RPS6KA2: variants seen among roughly 807,000 people sequenced by gnomAD.
RPS6KA2 encodes the protein ribosomal protein S6 kinase alpha-2.
Under a neutral mutation model 91.8 loss-of-function variants are expected in RPS6KA2, and 42 were observed. That is an observed-to-expected ratio of 0.46 (90% CI 0.36 to 0.59). RPS6KA2 has a LOEUF of 0.59. Among genes scored for constraint, RPS6KA2 ranks in the 20% least tolerant of loss-of-function variants. The pLI, the probability that RPS6KA2 is intolerant of heterozygous loss-of-function variation, is 0.00. For synonymous variants in RPS6KA2, 414 were observed against 393.6 expected (o/e 1.05, Z -0.61); for missense variants, 798 against 978.5 (o/e 0.82, Z 2.46).
chr6:166,803,016 C>A (rs1779409450), intron 2 of RPS6KA2, among the ~76,000 whole-genome samples: 1 of 151,344 alleles, frequency 6.6e-6, no homozygotes, highest in Non-Finnish European at 1.5e-5. Flanking sequence ...ACATTGTATT[C>A]TTTTAACCAA....
At chr6:166,480,522 T>TATATATATAATATATA (rs1781175775) in intron 10 of RPS6KA2, among the ~76,000 whole-genome samples, 1 of 121,336 alleles carries the variant, frequency 8.2e-6, no homozygotes, top group African/African-American at 3.5e-5. Context: ...TATAATATAT[T>TATATATATAATATATA]TTTTTTTTTT....
chr6:166,682,164 A>C (rs1788840916), intron 2 of RPS6KA2, among the ~76,000 whole-genome samples: 3 of 152,230 alleles, frequency 2.0e-5, no homozygotes, highest in Non-Finnish European at 4.4e-5. Context: ...TCCGCTTGAA[A>C]ATTACAGGCA....
chr6:166,468,856 T>TCCACCTCAAAAAA (rs567161437), intron 11 of RPS6KA2, among the ~76,000 whole-genome samples: 1 of 112,184 alleles, frequency 8.9e-6, no homozygotes, highest in Admixed American at 8.9e-5. Context: ...AGAGCGAGAC[T>TCCACCTCAAAAAA]AAAAAAAAAA....
rs143111544 is a variant in RPS6KA2, at chr6:166,445,896, T to C, written c.1332+2828A>G. Among the ~76,000 whole-genome samples the C allele has an allele frequency of 1.5e-3, 229 of 152,314 alleles. No individual in the cohort carries two copies. Among genetic ancestry groups the C allele is most frequent in the African/African-American group, 5.4e-3 (224 of 41,570 alleles). On this transcript the variant is annotated intron_variant, in intron 14 of 20. Coordinates refer to ENST00000265678, the MANE Select transcript of RPS6KA2 (RefSeq NM_021135.6). This position sits in a 1 kb window ranked among gnomAD's most constrained non-coding sequence, Gnocchi z 4.5. ...GCTGAGCTGAGATCCAACTCACACA[T>C]CAGATAATCAGCTGCCACATGCTTA...
At chr6:166,826,984 A>C (rs1300136345) in intron 2 of RPS6KA2, among the ~76,000 whole-genome samples, 1 of 152,208 alleles carries the variant, frequency 6.6e-6, no homozygotes, top group Non-Finnish European at 1.5e-5. Flanking sequence ...TTAACATAGA[A>C]GCAGAGAGTA....
intron 2 of RPS6KA2, among the ~76,000 whole-genome samples, chr6:166,707,243 G>A (rs188942706): frequency 6.6e-6 from 1 of 152,382 alleles, no homozygotes; most frequent in East Asian, 1.9e-4. Flanking sequence ...TGTGCAGATG[G>A]ACGGCAGCCC....
In RPS6KA2 at chr6:166,449,245, C is replaced by T. The variant is rs570742464; in HGVS notation, c.1207-396G>A. Among the ~76,000 whole-genome samples the T allele has an allele frequency of 3.0e-4, 45 of 152,272 alleles. 1 individual carries two copies. Among genetic ancestry groups the T allele is most frequent in the Middle Eastern group, 3.4e-3 (1 of 294 alleles). On this transcript the variant is annotated intron_variant, in intron 13 of 20. Transcript: ENST00000265678. ...GAAACATCTCATCGGAAATCTGACT[C>T]CATGGTGTCCAAGTCACAGCCTGCT...
intron 2 of RPS6KA2, among the ~76,000 whole-genome samples, chr6:166,840,730 G>A (rs1253012789): frequency 6.6e-6 from 1 of 152,174 alleles, no homozygotes; most frequent in Admixed American, 6.5e-5. Flanking sequence ...CCCAGGCTTA[G>A]GCGGGCAGAT....
chr6:166,685,221 A>G (rs56263735), intron 2 of RPS6KA2, among the ~76,000 whole-genome samples: 16,415 of 99,660 alleles, frequency 0.16, 642 homozygotes, highest in African/African-American at 0.26. Context: ...TGGAGTGTGG[A>G]GTGTGTATGC....
intron 11 of RPS6KA2, among the ~76,000 whole-genome samples, chr6:166,468,856 T>TCTGCCTCAAAAAAA (rs567161437): frequency 8.9e-6 from 1 of 112,184 alleles, no homozygotes; most frequent in African/African-American, 3.9e-5. Flanking sequence ...AGAGCGAGAC[T>TCTGCCTCAAAAAAA]AAAAAAAAAA....
intron 3 of RPS6KA2, among the ~76,000 whole-genome samples, chr6:166,517,278 T>C (rs1393293776): frequency 6.6e-6 from 1 of 152,060 alleles, no homozygotes; most frequent in East Asian, 1.9e-4. Context: ...GTGGATCACT[T>C]GAGCCGAAGA....
intron 1 of RPS6KA2, among the ~76,000 whole-genome samples, chr6:166,602,901 G>T (rs1785801751): frequency 6.6e-6 from 1 of 152,124 alleles, no homozygotes; most frequent in African/African-American, 2.4e-5. Flanking sequence ...ATTTGAAAAG[G>T]GCTCAAGTCA....
At chr6:166,427,329 A>G (rs1275042988) in intron 16 of RPS6KA2, among the ~76,000 whole-genome samples, 3 of 152,206 alleles carry the variant, frequency 2.0e-5, no homozygotes, top group African/African-American at 7.2e-5. Context: ...TCGATGACAA[A>G]CCCACAGCCA....
In RPS6KA2 at chr6:166,665,941, C is replaced by T. The variant is rs972197626; in HGVS notation, c.124-127157G>A. On this transcript the variant is annotated intron_variant, in intron 2 of 21. Transcript: ENST00000503859. The surrounding 1 kb of genome is among the most constrained non-coding windows in gnomAD (Gnocchi z 4.5). ...ATCCAGTTTCTGAGAGGCTCAGGAG[C>T]CTTCTTTGACATCATGATGATGAAC... 1.3e-5 allele frequency among the ~76,000 whole-genome samples: 2 copies of T among 152,124 alleles called. No homozygotes were observed. The highest frequency in any genetic ancestry group is 2.4e-5 in the African/African-American group (1 of 41,410).
At chr6:166,643,019 C>A (rs140676618) in intron 2 of RPS6KA2, among the ~76,000 whole-genome samples, 2 of 152,196 alleles carry the variant, frequency 1.3e-5, no homozygotes, top group African/African-American at 4.8e-5. Flanking sequence ...TTACTGTAAA[C>A]ATAGAATGCA....
intron 12 of RPS6KA2, among the ~76,000 whole-genome samples, chr6:166,452,009 A>G (rs4710049): frequency 0.27 from 41,828 of 152,154 alleles, 5,802 homozygotes; most frequent in Middle Eastern, 0.36. Flanking sequence ...AGAGCAAAAT[A>G]CTCAAAGGAA....
chr6:166,561,307 C>T (rs973789625), intron 1 of RPS6KA2, among the ~76,000 whole-genome samples: 3 of 152,136 alleles, frequency 2.0e-5, no homozygotes, highest in Non-Finnish European at 4.4e-5. Flanking sequence ...GTGCCCAGCT[C>T]AAGGTCCCTG....
intron 14 of RPS6KA2, chr6:166,440,166 T>C (rs1243843136): frequency 2.0e-5 from 3 of 152,166 alleles, no homozygotes; most frequent in African/African-American, 7.2e-5. Flanking sequence ...TCCTAAACAA[T>C]AGGAAACTAG....
At chr6:166,653,832 T>A (rs1266907903) in intron 2 of RPS6KA2, among the ~76,000 whole-genome samples, 1 of 152,218 alleles carries the variant, frequency 6.6e-6, no homozygotes, top group Non-Finnish European at 1.5e-5. Flanking sequence ...GAGGAATAAT[T>A]TGTTGCACAA....
Sources: gnomAD v4.1 joint callset for allele counts (sites outside exome capture counted in the v4.1 genomes callset) on GRCh38, gnomAD v4.1.1 for gene constraint, Gnocchi (gnomAD v3.1) non-coding constraint, MANE v1.5 for transcripts, NCBI Gene and HGNC (gene_info 2026-07-23, HGNC 2026-07-21) for gene names.